IGF1R: variants seen among roughly 807,000 people sequenced by gnomAD.
IGF1R encodes the protein insulin like growth factor 1 receptor, also known as insulin-like growth factor 1 receptor.
Under a neutral mutation model 144.6 loss-of-function variants are expected in IGF1R, and 44 were observed. The observed-to-expected ratio is 0.30, with a 90% confidence interval of 0.24 to 0.39. The LOEUF (loss-of-function observed/expected upper bound fraction) is 0.39, where lower values mean the gene tolerates loss of function less well. IGF1R is among the 10% of genes least tolerant of loss of function. The probability of loss-of-function intolerance (pLI) is 1.00; values close to 1 mark genes in which losing one functional copy is unlikely to be tolerated. For synonymous variants in IGF1R, 795 were observed against 722.8 expected, an observed-to-expected ratio of 1.10 and a Z score of -1.60; for missense variants, 1,355 against 1,833.7, an observed-to-expected ratio of 0.74 and a Z score of 4.77.
chr15:98,649,520 CTTTTCTTTTTTTTTTTTT>C lies in IGF1R; in HGVS notation c.-57_-40del. ...TCCTTTCATTTCCTTTTTTTCTTTTCTTTTCTTTTTTTTTTTTTTTTTTTTTTTTGAGAAAGGGGAATT... is the reference window on the plus strand; with the variant it reads ...TCCTTTCATTTCCTTTTTTTCTTTTCTTTTTTTTTTTGAGAAAGGGGAATT... On this transcript the variant is annotated 5_prime_UTR_variant, in exon 1 of 21. Transcript: ENST00000650285. 1.2e-6 allele frequency: 1 copy of C among 857,960 alleles called. No homozygotes were observed. The highest frequency in any genetic ancestry group is 1.8e-5 in the South Asian group (1 of 54,516). 53.1% of individuals were successfully genotyped at this position (857,960 alleles called of 1,614,324 possible).
In IGF1R at chr15:98,905,656, C is replaced by T. The variant is rs529446279; in HGVS notation, c.1248-3029C>T. 2.7e-5 allele frequency among the ~76,000 whole-genome samples: 4 copies of T among 150,576 alleles called. No homozygotes were observed. The East Asian group carries it at 7.8e-4, about 29-fold the overall frequency. ...CCCAACCTGGATTACAGAGTGAGAC[C>T]CTGTCTCAAGGGGAAAAAAAAAAAA... On this transcript the variant is annotated intron_variant, in intron 5 of 20. Coordinates refer to ENST00000650285, the MANE Select transcript of IGF1R (RefSeq NM_000875.5).
chr15:98,752,532 A>G (rs1011241189), intron 2 of IGF1R, among the ~76,000 whole-genome samples: 17 of 152,024 alleles, frequency 1.1e-4, no homozygotes, highest in Admixed American at 3.9e-4. Flanking sequence ...ACAAAAAAAA[A>G]GTTAGCTGGG....
rs547481091 is a variant in IGF1R at position 98,923,169 on chromosome 15, C to T, written c.2486-707C>T. Among the ~76,000 whole-genome samples the T allele has an allele frequency of 3.2e-4, 49 of 152,332 alleles. No individual in the cohort carries two copies. The South Asian group carries it at 3.9e-3, about 12-fold the overall frequency. ...CCAGCTAACCCCTCAAGTGCCTTTTCCGGCTGTAACTTTCCATGACCTTTG... is the reference window on the plus strand; with the variant it reads ...CCAGCTAACCCCTCAAGTGCCTTTTTCGGCTGTAACTTTCCATGACCTTTG... On this transcript the variant is annotated intron_variant, in intron 11 of 20. Coordinates refer to ENST00000650285, the MANE Select transcript of IGF1R (RefSeq NM_000875.5).
At chr15:98,655,818 C>T (rs1266471094) in intron 1 of IGF1R, among the ~76,000 whole-genome samples, 1 of 151,790 alleles carries the variant, frequency 6.6e-6, no homozygotes, top group East Asian at 1.9e-4. Flanking sequence ...TCCCAGGCTC[C>T]AGTGATCCTC....
chr15:98,808,406 A>C (rs921971537), intron 2 of IGF1R, among the ~76,000 whole-genome samples: 2 of 152,196 alleles, frequency 1.3e-5, no homozygotes, highest in Non-Finnish European at 2.9e-5. Context: ...AATATTGGCT[A>C]TGTAGTGATT....
intron 2 of IGF1R, among the ~76,000 whole-genome samples, chr15:98,716,394 C>G (rs769615388): frequency 1.3e-5 from 2 of 152,150 alleles, no homozygotes; most frequent in African/African-American, 4.8e-5. Context: ...CATAACTCAT[C>G]AAATGGCACA....
chr15:98,741,535 C>G (rs2054744995), intron 2 of IGF1R, among the ~76,000 whole-genome samples: 1 of 152,146 alleles, frequency 6.6e-6, no homozygotes, highest in African/African-American at 2.4e-5. Flanking sequence ...AAAACACAAT[C>G]CCTTCTCTGA....
chr15:98,747,538 G>A (rs1367023175), intron 2 of IGF1R, among the ~76,000 whole-genome samples: 3 of 152,258 alleles, frequency 2.0e-5, no homozygotes, highest in Admixed American at 6.5e-5. Context: ...GTGCCAAGTC[G>A]ATTAATTGAA....
rs2151676870 is a variant in IGF1R, at chr15:98,913,089, C to T, written c.1635C>T (p.Gly545=). 1.2e-6 allele frequency: 2 copies of T among 1,614,200 alleles called. No individual in the cohort carries two copies. The highest frequency in any genetic ancestry group is 1.7e-6 in the Non-Finnish European group (2 of 1,179,992). ...VTEYDGQDAC[G]SNSWNMVDVD... Reference sequence around the variant, plus strand: ...AGTATGATGGGCAGGATGCCTGCGGCTCCAACAGCTGGAACATGGTGGACG... The same window carrying T: ...AGTATGATGGGCAGGATGCCTGCGGTTCCAACAGCTGGAACATGGTGGACG... Residue 545 remains glycine (G), a synonymous_variant, in exon 8 of 21, where the codon GGC becomes GGT. Coordinates refer to ENST00000650285, the MANE Select transcript of IGF1R (RefSeq NM_000875.5).
At chr15:98,855,313 G>A (rs1272470368) in intron 2 of IGF1R, among the ~76,000 whole-genome samples, 1 of 152,248 alleles carries the variant, frequency 6.6e-6, no homozygotes, top group Non-Finnish European at 1.5e-5. Context: ...GACCCAGACA[G>A]ACGCCCCGAG....
intron 2 of IGF1R, among the ~76,000 whole-genome samples, chr15:98,789,919 C>G (rs2056090185): frequency 6.6e-6 from 1 of 152,148 alleles, no homozygotes; most frequent in African/African-American, 2.4e-5. Flanking sequence ...GAAAATGGCC[C>G]TGATTTGCTT....
intron 2 of IGF1R, among the ~76,000 whole-genome samples, chr15:98,803,706 A>G (rs1389859245): frequency 6.6e-6 from 1 of 151,938 alleles, no homozygotes; most frequent in African/African-American, 2.4e-5. Flanking sequence ...AGGTTTCACC[A>G]TGTTGCCCAG....
intron 2 of IGF1R, among the ~76,000 whole-genome samples, chr15:98,709,493 T>C (rs953035557): frequency 1.3e-5 from 2 of 152,258 alleles, no homozygotes; most frequent in Non-Finnish European, 2.9e-5. Context: ...GGAGATCTTA[T>C]GCTAAAGTCA....
At chr15:98,812,587 A>T (rs1203075495) in intron 2 of IGF1R, among the ~76,000 whole-genome samples, 3 of 151,852 alleles carry the variant, frequency 2.0e-5, no homozygotes, top group African/African-American at 7.3e-5. Context: ...CAAACTGCTG[A>T]CCTCAGGTGA....
chr15:98,823,675 G>A (rs1455141849), intron 2 of IGF1R, among the ~76,000 whole-genome samples: 1 of 152,208 alleles, frequency 6.6e-6, no homozygotes, highest in Non-Finnish European at 1.5e-5. Flanking sequence ...CTTTCCAGGT[G>A]TCAGAGCCAT....
chr15:98,695,247 G>A (rs543070773), intron 1 of IGF1R, among the ~76,000 whole-genome samples: 2 of 152,296 alleles, frequency 1.3e-5, no homozygotes, highest in South Asian at 4.1e-4. Flanking sequence ...ACAAAGTGAA[G>A]CTCTGTAAAG....
chr15:98,936,446 C>T (rs1010079235), intron 17 of IGF1R, among the ~76,000 whole-genome samples: 1 of 152,064 alleles, frequency 6.6e-6, no homozygotes, highest in Non-Finnish European at 1.5e-5. Context: ...AGACATAAAG[C>T]CAGCAAGAAC....
At chr15:98,671,083 C>G (rs550909356) in intron 1 of IGF1R, among the ~76,000 whole-genome samples, 10 of 152,206 alleles carry the variant, frequency 6.6e-5, no homozygotes, top group Non-Finnish European at 1.3e-4. Context: ...CACGTTGATG[C>G]AAATGCAGCC....
At chr15:98,893,240 A>T (rs1033948581) in intron 3 of IGF1R, among the ~76,000 whole-genome samples, 5 of 152,212 alleles carry the variant, frequency 3.3e-5, no homozygotes, top group African/African-American at 1.2e-4. Flanking sequence ...TTATTTGGAG[A>T]CGCAGCTTCT....
Sources: gnomAD v4.1 joint callset for allele counts (sites outside exome capture counted in the v4.1 genomes callset) on GRCh38, gnomAD v4.1.1 for gene constraint, MANE v1.5 for transcripts, NCBI Gene and HGNC (gene_info 2026-07-23, HGNC 2026-07-21) for gene names.